Variants in PRKCB observed in about 807,000 individuals in gnomAD.
PRKCB encodes the protein protein kinase C beta type.
A neutral mutation model predicts 81.5 loss-of-function variants in PRKCB; 13 were observed. The observed-to-expected ratio is 0.16, with a 90% CI of 0.10 to 0.25. PRKCB has a LOEUF of 0.25. Ranked by LOEUF, PRKCB falls within the 10% of genes least tolerant of loss-of-function variation. PRKCB has a pLI of 1.00. For missense variants in PRKCB, 509 were observed against 875.7 expected, an observed-to-expected ratio of 0.58 and a Z score of 5.29; for synonymous variants, 335 against 321.4, an observed-to-expected ratio of 1.04 and a Z score of -0.45.
intron 3 of PRKCB, among the ~76,000 whole-genome samples, chr16:24,030,651 G>A (rs555384122): frequency 1.5e-4 from 23 of 151,232 alleles, no homozygotes; most frequent in African/African-American, 5.6e-4. Flanking sequence ...GGCTGAGGTG[G>A]GAGGATCATT....
At chr16:24,190,878 T>C (rs1008758866) in intron 15 of PRKCB, among the ~76,000 whole-genome samples, 9 of 152,192 alleles carry the variant, frequency 5.9e-5, no homozygotes, top group Non-Finnish European at 1.0e-4. Flanking sequence ...TGATTAACCA[T>C]AACAGATGAT....
intron 2 of PRKCB, among the ~76,000 whole-genome samples, chr16:23,950,132 A>AGTGT (rs55986931): frequency 1.0e-5 from 1 of 97,760 alleles, no homozygotes; most frequent in African/African-American, 4.2e-5. Flanking sequence ...TATGATTTGA[A>AGTGT]TTTTTTTTTT....
At position 24,219,852 on chromosome 16, in the gene PRKCB, C is replaced by T; in HGVS notation, c.*5036C>T. 1 of 1,444,758 alleles carries T rather than the reference C, an allele frequency of 6.9e-7. No individual in the cohort carries two copies. Among genetic ancestry groups the T allele is most frequent in the Non-Finnish European group, 9.1e-7 (1 of 1,095,798 alleles). 89.5% of individuals were successfully genotyped at this position (1,444,758 alleles called of 1,614,324 possible). ...TGCTAAAAATTTTCAGCACAGGGCTCTTTCTGACTCTGCTCATGAGATGGT... is the reference window on the plus strand; with the variant it reads ...TGCTAAAAATTTTCAGCACAGGGCTTTTTCTGACTCTGCTCATGAGATGGT... On this transcript the variant is annotated 3_prime_UTR_variant, in exon 17 of 17. Coordinates refer to ENST00000643927, the MANE Select transcript of PRKCB (RefSeq NM_002738.7).
intron 3 of PRKCB, among the ~76,000 whole-genome samples, chr16:24,022,847 G>A (rs1243290210): frequency 6.6e-6 from 1 of 152,100 alleles, no homozygotes; most frequent in African/African-American, 2.4e-5. Flanking sequence ...AAACTTATTT[G>A]GATTTCTAAG....
intron 3 of PRKCB, among the ~76,000 whole-genome samples, chr16:24,011,193 AG>A (rs1965198577): frequency 2.0e-5 from 3 of 151,844 alleles, no homozygotes; most frequent in Admixed American, 2.0e-4. Flanking sequence ...TTTAAATTGG[AG>A]GTAGGGTAAG....
At chr16:24,052,707 T>A (rs555778037) in intron 5 of PRKCB, among the ~76,000 whole-genome samples, 2 of 152,338 alleles carry the variant, frequency 1.3e-5, no homozygotes, top group South Asian at 4.1e-4. Context: ...TTACAATTAC[T>A]GTATAATGAG....
intron 7 of PRKCB, among the ~76,000 whole-genome samples, chr16:24,106,289 G>GTA: frequency 6.6e-6 from 1 of 152,220 alleles, no homozygotes; most frequent in South Asian, 2.1e-4. Flanking sequence ...TATCAAATTA[G>GTA]TTAATATAAG....
intron 2 of PRKCB, among the ~76,000 whole-genome samples, chr16:23,870,126 A>T (rs948765275): frequency 3.3e-5 from 5 of 152,234 alleles, no homozygotes; most frequent in Non-Finnish European, 5.9e-5. Context: ...TGTTCCAAAA[A>T]GGAGTTTGGC....
At chr16:24,194,524 C>T (rs1967850794) in intron 16 of PRKCB, among the ~76,000 whole-genome samples, 1 of 152,114 alleles carries the variant, frequency 6.6e-6, no homozygotes, top group Admixed American at 6.5e-5. Flanking sequence ...GCTATTTAGC[C>T]AGCATCTGTT....
At chr16:24,172,394 G>C (rs769091210) in intron 11 of PRKCB, 33 bp downstream of exon 11, 1 of 1,579,880 alleles carries the variant, frequency 6.3e-7, no homozygotes, top group South Asian at 1.1e-5. Context: ...CTTTCTCCTT[G>C]GGATAAATGG....
intron 2 of PRKCB, among the ~76,000 whole-genome samples, chr16:23,896,596 G>C (rs1963382943): frequency 6.6e-6 from 1 of 152,102 alleles, no homozygotes; most frequent in Admixed American, 6.5e-5. Flanking sequence ...GATGCTTTTT[G>C]TGAAGGTGAC....
Position 24,007,243 on chromosome 16 carries a change from C to T in PRKCB, c.288+18653C>T, listed in dbSNP as rs370394158. 9.9e-5 allele frequency among the ~76,000 whole-genome samples: 15 copies of T among 152,262 alleles called. No homozygotes were observed. In the East Asian group the frequency reaches 1.2e-3, roughly 12 times the overall value. On this transcript the variant is annotated intron_variant, in intron 3 of 16. Transcript: ENST00000643927. The stretch of plus-strand genomic sequence containing the variant: ...AACCTAGATGGTAAGAGCTTCATGC[C>T]GTAACTGGCACATAGGACATGCTAG...
intron 16 of PRKCB, among the ~76,000 whole-genome samples, chr16:24,192,542 T>C (rs1356580366): frequency 6.6e-6 from 1 of 152,190 alleles, no homozygotes; most frequent in Non-Finnish European, 1.5e-5. Flanking sequence ...CATATGGTTT[T>C]TGTGGGGTTA....
At chr16:24,051,353 T>G (rs1965839942) in intron 5 of PRKCB, among the ~76,000 whole-genome samples, 1 of 152,146 alleles carries the variant, frequency 6.6e-6, no homozygotes, top group Admixed American at 6.5e-5. Flanking sequence ...TCTAGTTGCC[T>G]GGTACCTGAT....
At chr16:23,953,572 A>G (rs1964311218) in intron 2 of PRKCB, among the ~76,000 whole-genome samples, 4 of 152,328 alleles carry the variant, frequency 2.6e-5, no homozygotes, top group South Asian at 4.1e-4. Flanking sequence ...TCATTTGCCA[A>G]TTAGAGCTTT....
At position 24,209,148 on chromosome 16, in the gene PRKCB, AAGAT is replaced by A. The variant is rs1968094673; in HGVS notation, c.1864-5509_1864-5506del. 3.3e-5 allele frequency among the ~76,000 whole-genome samples: 5 copies of A among 152,098 alleles called. No homozygotes were observed. In the South Asian group the frequency reaches 1.0e-3, roughly 32 times the overall value. On this transcript the variant is annotated intron_variant, in intron 16 of 16. Coordinates refer to ENST00000643927, the MANE Select transcript of PRKCB (RefSeq NM_002738.7). Reference sequence around the variant, plus strand: ...GGTTTTTAAAGAAAAATGGTCCCTGAAGATGCTCTGTGTCTCAGCAAATGTGCTT... The same window carrying A: ...GGTTTTTAAAGAAAAATGGTCCCTGAGCTCTGTGTCTCAGCAAATGTGCTT...
chr16:24,129,670 T>C (rs776880160), intron 9 of PRKCB, among the ~76,000 whole-genome samples: 5 of 151,946 alleles, frequency 3.3e-5, no homozygotes, highest in Non-Finnish European at 7.4e-5. Flanking sequence ...TCTATTTACC[T>C]ATTATCTGTC....
chr16:24,016,369 C>T (rs773289397), intron 3 of PRKCB, among the ~76,000 whole-genome samples: 14 of 152,016 alleles, frequency 9.2e-5, no homozygotes, highest in Middle Eastern at 3.4e-3. Flanking sequence ...CTGGCATACC[C>T]GGGCTAAGAG....
chr16:24,103,360 G>A (rs1408760322), intron 7 of PRKCB, among the ~76,000 whole-genome samples: 1 of 152,038 alleles, frequency 6.6e-6, no homozygotes, highest in East Asian at 1.9e-4. Flanking sequence ...TAATATTAAT[G>A]TTAAGTTACT....
Sources: gnomAD v4.1 joint callset for allele counts (sites outside exome capture counted in the v4.1 genomes callset) on GRCh38, gnomAD v4.1.1 for gene constraint, MANE v1.5 for transcripts, NCBI Gene and HGNC (gene_info 2026-07-23, HGNC 2026-07-21) for gene names.